Variants in PALM2AKAP2 observed in about 807,000 individuals in gnomAD.
PALM2AKAP2 encodes the protein PALM2 and AKAP2 fusion.
A neutral mutation model predicts 71.5 loss-of-function variants in PALM2AKAP2; 37 were observed. That is an observed-to-expected ratio of 0.52 (90% confidence interval 0.40 to 0.68). The LOEUF is 0.68. PALM2AKAP2 is among the 30% of genes least tolerant of loss of function. The pLI is 0.00. For synonymous variants in PALM2AKAP2, 468 were observed against 478.8 expected (o/e 0.98, Z 0.29); for missense variants, 1,224 against 1,191.8 (o/e 1.03, Z -0.40).
At chr9:109,888,345 G>A (rs1016142929) in intron 3 of PALM2AKAP2, among the ~76,000 whole-genome samples, 7 of 152,156 alleles carry the variant, frequency 4.6e-5, no homozygotes, top group African/African-American at 1.7e-4. Flanking sequence ...TACCCACCTT[G>A]CAGTGCTGTT....
At chr9:109,872,907 T>C (rs1463067678) in intron 2 of PALM2AKAP2, among the ~76,000 whole-genome samples, 1 of 152,236 alleles carries the variant, frequency 6.6e-6, no homozygotes, top group East Asian at 1.9e-4. Flanking sequence ...TCTCCTCCCT[T>C]GTTTCCATAC....
intron 1 of PALM2AKAP2, among the ~76,000 whole-genome samples, chr9:109,858,148 A>G (rs1056045050): frequency 6.6e-6 from 1 of 152,212 alleles, no homozygotes; most frequent in Non-Finnish European, 1.5e-5. Context: ...TCAGTATTTC[A>G]GACGGAGTTC....
intron 2 of PALM2AKAP2, among the ~76,000 whole-genome samples, chr9:110,146,083 A>G (rs1447733398): frequency 6.6e-6 from 1 of 151,630 alleles, no homozygotes; most frequent in Non-Finnish European, 1.5e-5. Flanking sequence ...TATTTTTAGT[A>G]GAGATGGGGT....
chr9:109,699,114 T>G (rs1475102361), intron 1 of PALM2AKAP2, among the ~76,000 whole-genome samples: 1 of 152,000 alleles, frequency 6.6e-6, no homozygotes, highest in South Asian at 2.1e-4. Flanking sequence ...GAACGACAAA[T>G]GGGCAAAAAG....
At chr9:109,815,864 C>T (rs567796982) in intron 1 of PALM2AKAP2, among the ~76,000 whole-genome samples, 35 of 152,150 alleles carry the variant, frequency 2.3e-4, no homozygotes, top group African/African-American at 7.7e-4. Flanking sequence ...AGTCTAAATT[C>T]TTAGGTGAAG....
At chr9:109,986,550 C>G (rs1345931260) in intron 6 of PALM2AKAP2, among the ~76,000 whole-genome samples, 1 of 152,192 alleles carries the variant, frequency 6.6e-6, no homozygotes, top group Non-Finnish European at 1.5e-5. Flanking sequence ...ATTTTCAGTG[C>G]TACGGCTTCT....
At chr9:109,697,934 C>T (rs987024902) in intron 1 of PALM2AKAP2, among the ~76,000 whole-genome samples, 2 of 152,202 alleles carry the variant, frequency 1.3e-5, no homozygotes, top group Admixed American at 1.3e-4. Flanking sequence ...CTGCCTCCTT[C>T]ATACCTGTGG....
At chr9:109,755,441 T>C (rs941983228) in intron 1 of PALM2AKAP2, among the ~76,000 whole-genome samples, 7 of 152,104 alleles carry the variant, frequency 4.6e-5, no homozygotes, top group Non-Finnish European at 1.0e-4. Context: ...CTGAAACCTC[T>C]TCTCCCTCAT....
chr9:109,656,036 T>A (rs1827301569), intron 1 of PALM2AKAP2, among the ~76,000 whole-genome samples: 1 of 152,232 alleles, frequency 6.6e-6, no homozygotes, highest in Non-Finnish European at 1.5e-5. Context: ...TCCCAGCCCT[T>A]GTATAAACAC....
chr9:109,794,885 G>A (rs1283595968), intron 1 of PALM2AKAP2, among the ~76,000 whole-genome samples: 3 of 152,164 alleles, frequency 2.0e-5, no homozygotes, highest in Admixed American at 6.5e-5. Context: ...TACTTGCGTC[G>A]GCCCTGTGGC....
At chr9:109,795,204 C>A (rs1827218976) in intron 1 of PALM2AKAP2, among the ~76,000 whole-genome samples, 1 of 152,188 alleles carries the variant, frequency 6.6e-6, no homozygotes. Context: ...TTGTGACAAT[C>A]AAGAAGGTCT....
intron 6 of PALM2AKAP2, among the ~76,000 whole-genome samples, chr9:109,963,293 A>C (rs1387132346): frequency 6.6e-6 from 1 of 152,232 alleles, no homozygotes; most frequent in Non-Finnish European, 1.5e-5. Flanking sequence ...GTAGAGAGAC[A>C]GGTACTTCCT....
chr9:110,025,790 G>A (rs899033074), intron 7 of PALM2AKAP2, among the ~76,000 whole-genome samples: 5 of 152,158 alleles, frequency 3.3e-5, no homozygotes, highest in African/African-American at 1.2e-4. Flanking sequence ...GGTGGCTAAC[G>A]ACACTGAGTT....
Position 110,131,513 on chromosome 9 carries a change from A to G in PALM2AKAP2, c.157-4614A>G, listed in dbSNP as rs553407388. On this transcript the variant is annotated intron_variant, in intron 1 of 3. Coordinates refer to ENST00000374525, the Ensembl canonical transcript of PALM2AKAP2. ...CTTCTTATCTTCAAAGAGAGCAATA[A>G]GCATTTGTTGGTTTAAACAAGACAT... Among the ~76,000 whole-genome samples the G allele has an allele frequency of 9.8e-5, 15 of 152,372 alleles. No homozygotes were observed. The East Asian group carries it at 2.7e-3, about 27-fold the overall frequency.
intron 1 of PALM2AKAP2, among the ~76,000 whole-genome samples, chr9:109,643,611 T>G (rs1827105928): frequency 6.6e-6 from 1 of 152,190 alleles, no homozygotes; most frequent in Non-Finnish European, 1.5e-5. Context: ...ATCACATTCT[T>G]CTTGCTCCAC....
At chr9:110,144,606 T>G (rs948658031) in intron 2 of PALM2AKAP2, among the ~76,000 whole-genome samples, 5 of 152,204 alleles carry the variant, frequency 3.3e-5, no homozygotes, top group Non-Finnish European at 7.3e-5. Context: ...AGAAAAGTAA[T>G]ACAATGAACA....
At chr9:109,749,759 G>A (rs925830457) in intron 1 of PALM2AKAP2, among the ~76,000 whole-genome samples, 4 of 152,140 alleles carry the variant, frequency 2.6e-5, no homozygotes, top group African/African-American at 7.2e-5. Flanking sequence ...TCCACACCAG[G>A]CAGAGTGCTG....
intron 6 of PALM2AKAP2, among the ~76,000 whole-genome samples, chr9:110,010,189 G>A (rs1026650879): frequency 1.3e-5 from 2 of 152,040 alleles, no homozygotes; most frequent in African/African-American, 2.4e-5. Flanking sequence ...TTCTCCTATC[G>A]CAGGGAAATG....
At chr9:110,108,254 G>A (rs1835164436) in intron 1 of PALM2AKAP2, among the ~76,000 whole-genome samples, 1 of 151,602 alleles carries the variant, frequency 6.6e-6, no homozygotes. Context: ...CTGGGATTAA[G>A]GTGCCTGCCA....
Sources: allele counts gnomAD v4.1 joint callset (sites outside exome capture counted in the v4.1 genomes callset), GRCh38; gene constraint gnomAD v4.1.1; transcripts MANE v1.5; gene names NCBI Gene and HGNC (gene_info 2026-07-23, HGNC 2026-07-21).